The following NECTIN1 variants were observed in gnomAD, a reference collection of about 807,000 sequenced individuals.
NECTIN1 encodes nectin-1.
In NECTIN1, 23 loss-of-function variants were observed where a neutral mutation model predicts 48.0. The observed-to-expected ratio is 0.48, with a 90% CI of 0.34 to 0.68. NECTIN1 has a LOEUF of 0.68. Ranked by LOEUF, NECTIN1 falls within the 30% of genes least tolerant of loss-of-function variation. The probability of loss-of-function intolerance (pLI) is 0.01; values close to 1 mark genes in which losing one functional copy is unlikely to be tolerated. For missense variants in NECTIN1, 591 were observed against 709.9 expected, an observed-to-expected ratio of 0.83 and a Z score of 1.90; for synonymous variants, 270 against 288.9, an observed-to-expected ratio of 0.93 and a Z score of 0.66.
chr11:119,693,448 T>TC (rs1865294811), intron 1 of NECTIN1, among the ~76,000 whole-genome samples: 1 of 151,756 alleles, frequency 6.6e-6, no homozygotes, highest in Non-Finnish European at 1.5e-5. Context: ...GAGTGGGGAG[T>TC]CCCCTCAGCC....
rs748175072 is a variant in NECTIN1 at position 119,677,784 on chromosome 11, C to G, written c.504G>C (p.Leu168=). The part of the protein sequence containing the change: ...RAKKGQDDKV[L]VATCTSANGK... ...CATTGGCTGAGGTGCAGGTGGCCAC[C>G]AGGACCTTGTCATCCTGCCCCTTCT... The change falls in exon 3 of 6, where the codon CTG becomes CTC. Residue 168 remains leucine, a synonymous_variant. Coordinates refer to ENST00000264025, the MANE Select transcript of NECTIN1 (RefSeq NM_002855.5). This position sits in a 1 kb window ranked among gnomAD's most constrained non-coding sequence, Gnocchi z 5.4. 12 of 1,614,098 alleles carry G rather than the reference C, an allele frequency of 7.4e-6. No homozygotes were observed. In the South Asian group the frequency reaches 1.2e-4, roughly 16 times the overall value.
rs554355692 is a variant in NECTIN1, at chr11:119,692,192, G to T, written c.80-13427C>A. 1.4e-4 allele frequency among the ~76,000 whole-genome samples: 21 copies of T among 152,340 alleles called. No individual in the cohort carries two copies. In the South Asian group the frequency reaches 2.9e-3, roughly 21 times the overall value. On this transcript the variant is annotated intron_variant, in intron 1 of 5. Transcript: ENST00000264025. ...CCGCTTCCAGCTCAGACTTGTCGGG[G>T]TTTCAGGAGTCACTGGGTAGGGGTT...
intron 5 of NECTIN1, chr11:119,640,028 A>G: frequency 6.2e-7 from 1 of 1,601,102 alleles, no homozygotes; most frequent in Non-Finnish European, 8.5e-7. Flanking sequence ...AACAAAAGAC[A>G]GGGAAGAGGA....
rs1156906463 is a variant in NECTIN1 at position 119,683,030 on chromosome 11, C to A, written c.80-4265G>T. Among the ~76,000 whole-genome samples the A allele has an allele frequency of 1.3e-5, 2 of 152,214 alleles. No individual in the cohort carries two copies. Among genetic ancestry groups the A allele is most frequent in the Non-Finnish European group, 2.9e-5 (2 of 68,038 alleles). ...TCTCCCAACCAATTGTAAGCCCCTG[C>A]AGGAGATGAAAGGAGCAGGCCTGGC... On this transcript the variant is annotated intron_variant, in intron 1 of 5. Transcript: ENST00000264025. The surrounding 1 kb of genome is among the most constrained non-coding windows in gnomAD (Gnocchi z 4.0).
At chr11:119,670,542 T>G (rs1308695986) in intron 5 of NECTIN1, among the ~76,000 whole-genome samples, 2 of 152,110 alleles carry the variant, frequency 1.3e-5, no homozygotes, top group Non-Finnish European at 2.9e-5. Context: ...ACCTTGTTTC[T>G]CTGGAGTGGG....
chr11:119,704,320 G>A (rs1284038623), intron 1 of NECTIN1, among the ~76,000 whole-genome samples: 10 of 151,954 alleles, frequency 6.6e-5, no homozygotes, highest in African/African-American at 2.2e-4. Context: ...CCTCCCAGGC[G>A]GGCAATTCTC....
chr11:119,725,885 C>T (rs756472393), intron 1 of NECTIN1, among the ~76,000 whole-genome samples: 3 of 152,120 alleles, frequency 2.0e-5, no homozygotes, highest in Non-Finnish European at 2.9e-5. Flanking sequence ...TCCTCTGCCT[C>T]CTCCTAGGGC....
intron 1 of NECTIN1, among the ~76,000 whole-genome samples, chr11:119,685,813 C>G (rs77905594): frequency 0.02 from 3,002 of 152,312 alleles, 100 homozygotes; most frequent in African/African-American, 0.067. Context: ...GAGAGGCGAG[C>G]TCTGGTCCCC....
chr11:119,695,005 CTA>C (rs1865319400), intron 1 of NECTIN1, among the ~76,000 whole-genome samples: 1 of 152,116 alleles, frequency 6.6e-6, no homozygotes, highest in Admixed American at 6.5e-5. Flanking sequence ...GGTGAGGCTC[CTA>C]CTGTCTCTTA....
rs146459101 is a variant in NECTIN1 at position 119,718,157 on chromosome 11, T to A, written c.79+10318A>T. ...GGGTCAGGGTGTGCTGGGAGGAGCA[T>A]CACCCTGGGTGACCCTCGAGAGGAC... On this transcript the variant is annotated intron_variant, in intron 1 of 5. Transcript: ENST00000264025. Among the ~76,000 whole-genome samples the A allele has an allele frequency of 2.6e-5, 4 of 152,268 alleles. 1 individual carries two copies. Among genetic ancestry groups the A allele is most frequent in the East Asian group, 1.9e-4 (1 of 5,182 alleles).
downstream of NECTIN1, among the ~76,000 whole-genome samples, chr11:119,660,554 CCAAA>C (rs1864643954): frequency 6.6e-6 from 1 of 152,140 alleles, no homozygotes; most frequent in African/African-American, 2.4e-5. Context: ...GTTTTCTTCT[CCAAA>C]CAGCCACAGG....
chr11:119,686,141 C>T (rs1865150335), intron 1 of NECTIN1, among the ~76,000 whole-genome samples: 1 of 152,222 alleles, frequency 6.6e-6, no homozygotes, highest in African/African-American at 2.4e-5. Flanking sequence ...ATCACCAAGT[C>T]TTACTGATGC....
At position 119,673,478 on chromosome 11, in the gene NECTIN1, A is replaced by T. The variant is rs1037758689; in HGVS notation, c.1003+1681T>A. Among the ~76,000 whole-genome samples the T allele has an allele frequency of 7.2e-5, 11 of 152,204 alleles. No homozygotes were observed. Among genetic ancestry groups the T allele is most frequent in the African/African-American group, 2.7e-4 (11 of 41,456 alleles). On this transcript the variant is annotated intron_variant, in intron 5 of 5. Coordinates refer to ENST00000264025, the MANE Select transcript of NECTIN1 (RefSeq NM_002855.5). This position sits in a 1 kb window ranked among gnomAD's most constrained non-coding sequence, Gnocchi z 5.8. ...TGATAGCCCACCATCAGGGGAAGGTATCACCACGCAGGGAGTACTGCATGA... is the reference window on the plus strand; with the variant it reads ...TGATAGCCCACCATCAGGGGAAGGTTTCACCACGCAGGGAGTACTGCATGA...
intron 5 of NECTIN1, among the ~76,000 whole-genome samples, chr11:119,667,808 G>T (rs1864799676): frequency 6.6e-6 from 1 of 152,108 alleles, no homozygotes; most frequent in South Asian, 2.1e-4. Flanking sequence ...CCCTTATCCT[G>T]CTGGCTGTCC....
intron 5 of NECTIN1, among the ~76,000 whole-genome samples, chr11:119,645,372 G>C (rs1864383850): frequency 6.6e-6 from 1 of 152,200 alleles, no homozygotes; most frequent in South Asian, 2.1e-4. Context: ...TCACTGCTGG[G>C]AGGGCTCCCA....
Position 119,672,430 on chromosome 11 carries a change from C to G in NECTIN1, c.1003+2729G>C, listed in dbSNP as rs1327567664. 1.3e-5 allele frequency among the ~76,000 whole-genome samples: 2 copies of G among 152,194 alleles called. No individual in the cohort carries two copies. The highest frequency in any genetic ancestry group is 2.9e-5 in the Non-Finnish European group (2 of 68,034). ...GGGCCCACCCCATGAAACTGCTCCT[C>G]TGTGTAAGGGCCTCTGAAAGGGGTT... On this transcript the variant is annotated intron_variant, in intron 5 of 5. Transcript: ENST00000264025. This position sits in a 1 kb window ranked among gnomAD's most constrained non-coding sequence, Gnocchi z 4.3.
rs1864930136 is a variant in NECTIN1 at position 119,675,425 on chromosome 11, G to A, written c.852-115C>T. 3 of 1,016,810 alleles carry A rather than the reference G, an allele frequency of 3.0e-6. No individual in the cohort carries two copies. The South Asian group carries it at 4.0e-5, about 14-fold the overall frequency. 63.0% of individuals were successfully genotyped at this position (1,016,810 alleles called of 1,614,324 possible). On this transcript the variant is annotated intron_variant, in intron 4 of 5. Coordinates refer to ENST00000264025, the MANE Select transcript of NECTIN1 (RefSeq NM_002855.5). Reference sequence around the variant, plus strand: ...AGCCTTTTGCTGAGCTTGTGTGGTAGAGTCTGTCTTTGAAGGAAGAAAAAT... The same window carrying A: ...AGCCTTTTGCTGAGCTTGTGTGGTAAAGTCTGTCTTTGAAGGAAGAAAAAT...
Position 119,664,652 on chromosome 11 carries a change from G to T in NECTIN1, c.*95C>A. On this transcript the variant is annotated 3_prime_UTR_variant, in exon 6 of 6. Coordinates refer to ENST00000264025, the MANE Select transcript of NECTIN1 (RefSeq NM_002855.5). ...GCTTTGGGCAGCTGGGCAAGTCTCT[G>T]TTCAGCTCCTGGAGTGGGAGGTGGG... is the stretch of plus-strand genomic sequence containing the variant. The T allele has an allele frequency of 6.9e-7, 1 of 1,439,190 alleles. No individual in the cohort carries two copies. The highest frequency in any genetic ancestry group is 1.5e-5 in the African/African-American group (1 of 65,584). The allele number at this position is 1,439,190 out of a possible 1,614,324, so 89.2% of individuals were successfully genotyped here. A position where few individuals can be genotyped will look rare whatever the true frequency, so the allele number is the denominator to read the frequency against.
At position 119,647,164 on chromosome 11, in the gene NECTIN1, T is replaced by C. The variant is rs540930168; in HGVS notation, c.1004-7152A>G. On this transcript the variant is annotated intron_variant, in intron 5 of 7. Coordinates refer to the NECTIN1 transcript ENST00000341398. The stretch of plus-strand genomic sequence containing the variant: ...GAGGGGCCAGAGCTTGCGGCGCATG[T>C]GTGTGTGTGTGTGTGTGTGTGTGTG... Among the ~76,000 whole-genome samples, 26 of 27,470 alleles carry C rather than the reference T, an allele frequency of 9.5e-4. 1 individual carries two copies. The highest frequency in any genetic ancestry group is 4.0e-3 in the African/African-American group (26 of 6,442). 18.0% of individuals were successfully genotyped at this position (27,470 alleles called of 152,430 possible).
Sources: gnomAD v4.1 joint callset for allele counts (sites outside exome capture counted in the v4.1 genomes callset) on GRCh38, gnomAD v4.1.1 for gene constraint, Gnocchi (gnomAD v3.1) non-coding constraint, MANE v1.5 for transcripts, NCBI Gene and HGNC (gene_info 2026-07-23, HGNC 2026-07-21) for gene names.